Variants in CEP128 observed in about 807,000 individuals in gnomAD.
CEP128 encodes the protein centrosomal protein 128kDa.
Under a neutral mutation model 156.7 loss-of-function variants are expected in CEP128, and 132 were observed. The ratio of observed to expected loss-of-function variants is 0.84; its 90% CI spans 0.73 to 0.97. The LOEUF is 0.97. Ranked by LOEUF, CEP128 falls within the 50% of genes least tolerant of loss-of-function variation. The probability of loss-of-function intolerance (pLI) is 0.00; values close to 1 mark genes in which losing one functional copy is unlikely to be tolerated. For missense variants in CEP128, 1,252 were observed against 1,281.9 expected, an observed-to-expected ratio of 0.98 and a Z score of 0.36; for synonymous variants, 469 against 448.9, an observed-to-expected ratio of 1.04 and a Z score of -0.57.
chr14:80,717,135 A>G (rs1897636033), intron 19 of CEP128, among the ~76,000 whole-genome samples: 1 of 152,196 alleles, frequency 6.6e-6, no homozygotes, highest in Non-Finnish European at 1.5e-5. Context: ...AGGTTAATTT[A>G]GAAAGAAATA....
intron 7 of CEP128, among the ~76,000 whole-genome samples, chr14:80,898,005 C>T (rs1452624956): frequency 1.3e-5 from 2 of 152,186 alleles, no homozygotes; most frequent in Non-Finnish European, 2.9e-5. Flanking sequence ...GTCTCAAACT[C>T]CTGAGCTCAA....
At chr14:80,862,923 A>G (rs771813627) in intron 8 of CEP128, 50 bp from the exon 9 acceptor site, 5 of 1,305,686 alleles carry the variant, frequency 3.8e-6, no homozygotes, top group Non-Finnish European at 4.4e-6. Context: ...AGCAAGCAAA[A>G]CAGACTAAAT....
intron 2 of CEP128, among the ~76,000 whole-genome samples, chr14:80,949,567 T>C (rs929752981): frequency 6.6e-6 from 1 of 152,258 alleles, no homozygotes; most frequent in East Asian, 1.9e-4. Context: ...ATCCTCATAA[T>C]TCATGGAACA....
At chr14:80,619,323 T>C (rs1373214222) in intron 19 of CEP128, among the ~76,000 whole-genome samples, 5 of 147,266 alleles carry the variant, frequency 3.4e-5, no homozygotes, top group African/African-American at 5.1e-5. Context: ...AACAGAACAA[T>C]TGAAAGCACT....
chr14:80,629,561 T>TA (rs1555384344), intron 19 of CEP128, among the ~76,000 whole-genome samples: 1 of 148,004 alleles, frequency 6.8e-6, no homozygotes, highest in Admixed American at 6.8e-5. Flanking sequence ...TTGGGAAACA[T>TA]AAAATTTTAG....
chr14:80,492,678 T>C (rs1236226014), downstream of CEP128, among the ~76,000 whole-genome samples: 1 of 152,166 alleles, frequency 6.6e-6, no homozygotes, highest in East Asian at 1.9e-4. Context: ...TTTGAATGCT[T>C]GGTGGCTTCA....
intron 8 of CEP128, among the ~76,000 whole-genome samples, chr14:80,876,362 CCAAGGAGGGTGGATCA>C (rs1888282466): frequency 2.0e-5 from 3 of 152,084 alleles, no homozygotes; most frequent in South Asian, 4.2e-4. Context: ...CTTTGGGAGG[CCAAGGAGGGTGGATCA>C]CAAGGTCAGG....
intron 19 of CEP128, among the ~76,000 whole-genome samples, chr14:80,614,001 A>C (rs1455763289): frequency 6.6e-6 from 1 of 152,266 alleles, no homozygotes; most frequent in Non-Finnish European, 1.5e-5. Context: ...AAAATATTTT[A>C]TGCATAATTT....
intron 9 of CEP128, among the ~76,000 whole-genome samples, chr14:80,849,110 C>G (rs1166717060): frequency 6.6e-6 from 1 of 151,818 alleles, no homozygotes; most frequent in Non-Finnish European, 1.5e-5. Context: ...ATAGAGCTGA[C>G]AAAATTTAAT....
intron 19 of CEP128, among the ~76,000 whole-genome samples, chr14:80,692,014 G>T (rs1011402644): frequency 3.9e-5 from 6 of 152,028 alleles, no homozygotes; most frequent in Non-Finnish European, 7.4e-5. Flanking sequence ...TGGATGCAAG[G>T]GGCACTCCCA....
At chr14:80,565,447 T>A (rs1189765272) in intron 20 of CEP128, among the ~76,000 whole-genome samples, 1 of 152,118 alleles carries the variant, frequency 6.6e-6, no homozygotes, top group Non-Finnish European at 1.5e-5. Context: ...CTGATTTGAG[T>A]AATAAAACTC....
intron 20 of CEP128, among the ~76,000 whole-genome samples, chr14:80,562,660 T>TTC (rs1890737705): frequency 8.0e-6 from 1 of 125,016 alleles, no homozygotes; most frequent in African/African-American, 3.4e-5. Context: ...CTTTTCTTTT[T>TTC]TTTTTTTTTT....
At chr14:80,478,787 C>A (rs962473237) in intron 14 of CEP128, among the ~76,000 whole-genome samples, 2 of 152,198 alleles carry the variant, frequency 1.3e-5, no homozygotes, top group Admixed American at 1.3e-4. Context: ...TGAAGATATG[C>A]TTATAACAAT....
chr14:80,953,406 A>T (rs2139662767), intron 2 of CEP128, among the ~76,000 whole-genome samples: 1 of 152,256 alleles, frequency 6.6e-6, no homozygotes, highest in East Asian at 1.9e-4. Flanking sequence ...CAACATGGTG[A>T]AACCCCGTCT....
At chr14:80,783,787 T>C (rs538042513) in intron 15 of CEP128, among the ~76,000 whole-genome samples, 1 of 152,330 alleles carries the variant, frequency 6.6e-6, no homozygotes, top group Non-Finnish European at 1.5e-5. Context: ...TTTTTATTTC[T>C]TAGGAGCATA....
intron 19 of CEP128, among the ~76,000 whole-genome samples, chr14:80,735,348 C>T (rs986759618): frequency 2.0e-5 from 3 of 152,096 alleles, no homozygotes; most frequent in South Asian, 2.1e-4. Context: ...ATATCAAATA[C>T]GTATACCTAG....
chr14:80,825,148 AT>A (rs1227947792), intron 13 of CEP128, among the ~76,000 whole-genome samples: 1 of 152,182 alleles, frequency 6.6e-6, no homozygotes, highest in Non-Finnish European at 1.5e-5. Context: ...TGATTCAATA[AT>A]TACCTCCAAC....
intron 18 of CEP128, among the ~76,000 whole-genome samples, chr14:80,752,561 T>A (rs577492411): frequency 1.3e-5 from 2 of 152,220 alleles, no homozygotes; most frequent in Non-Finnish European, 2.9e-5. Flanking sequence ...GGATAAAATA[T>A]TAGATATTTA....
intron 19 of CEP128, 91 bp from the exon 20 acceptor site, chr14:80,580,514 A>C: frequency 1.3e-6 from 1 of 749,306 alleles, no homozygotes; most frequent in Non-Finnish European, 2.3e-6. Context: ...TAGCTTGTAT[A>C]AACTGTTGCC....
Sources: gnomAD v4.1 joint callset for allele counts (sites outside exome capture counted in the v4.1 genomes callset) on GRCh38, gnomAD v4.1.1 for gene constraint, MANE v1.5 for transcripts, NCBI Gene and HGNC (gene_info 2026-07-23, HGNC 2026-07-21) for gene names.